SHISA6: variants seen among roughly 807,000 people sequenced by gnomAD.
SHISA6 encodes shisa family member 6.
SHISA6 carries 22 observed loss-of-function variants against 47.9 expected under a neutral mutation model. The ratio of observed to expected loss-of-function variants is 0.46; its 90% confidence interval spans 0.33 to 0.66. SHISA6 has a LOEUF of 0.66. Ranked by LOEUF, SHISA6 falls within the 30% of genes least tolerant of loss-of-function variation. SHISA6 has a pLI of 0.02. For missense variants in SHISA6, 680 were observed against 764.6 expected (o/e 0.89, Z 1.30); for synonymous variants, 388 against 337.8 (o/e 1.15, Z -1.63).
intron 3 of SHISA6, among the ~76,000 whole-genome samples, chr17:11,425,433 G>C (rs1243193222): frequency 6.6e-6 from 1 of 152,046 alleles, no homozygotes; most frequent in African/African-American, 2.4e-5. Flanking sequence ...ATAGTTAATA[G>C]GGTTGGCAGT....
At chr17:11,245,307 A>G (rs1907532818) in intron 1 of SHISA6, among the ~76,000 whole-genome samples, 1 of 152,162 alleles carries the variant, frequency 6.6e-6, no homozygotes, top group Non-Finnish European at 1.5e-5. Flanking sequence ...CCCAATTCCT[A>G]CCAGGATCTC....
intron 3 of SHISA6, among the ~76,000 whole-genome samples, chr17:11,526,070 G>C (rs1026987003): frequency 2.0e-5 from 3 of 150,140 alleles, no homozygotes; most frequent in Non-Finnish European, 4.4e-5. Context: ...GTGAAGGTCA[G>C]TAAAAGCACA....
At chr17:11,416,389 C>T (rs1227437773) in intron 3 of SHISA6, among the ~76,000 whole-genome samples, 10 of 152,144 alleles carry the variant, frequency 6.6e-5, no homozygotes, top group Admixed American at 6.5e-4. Context: ...TCATTGTTGG[C>T]CATACTTACT....
At chr17:11,427,375 C>T (rs551430394) in intron 3 of SHISA6, among the ~76,000 whole-genome samples, 8 of 152,234 alleles carry the variant, frequency 5.3e-5, no homozygotes, top group African/African-American at 1.2e-4. Context: ...CCTTGTGATC[C>T]GCCCATCTTG....
chr17:11,516,561 A>G (rs1462292158), intron 3 of SHISA6, among the ~76,000 whole-genome samples: 1 of 152,222 alleles, frequency 6.6e-6, no homozygotes, highest in Non-Finnish European at 1.5e-5. Flanking sequence ...CCCAATATAT[A>G]GCATGTTCCA....
At chr17:11,430,815 G>T (rs1436177623) in intron 3 of SHISA6, among the ~76,000 whole-genome samples, 1 of 152,160 alleles carries the variant, frequency 6.6e-6, no homozygotes, top group Non-Finnish European at 1.5e-5. Context: ...TTCTTACTTT[G>T]GAACAGCAAA....
At chr17:11,306,071 T>C (rs1724205581) in intron 2 of SHISA6, among the ~76,000 whole-genome samples, 1 of 151,966 alleles carries the variant, frequency 6.6e-6, no homozygotes, top group Non-Finnish European at 1.5e-5. Context: ...CCTGAAAAAA[T>C]AGCTCATTTT....
At chr17:11,250,416 T>G (rs1907755714) in intron 1 of SHISA6, among the ~76,000 whole-genome samples, 1 of 152,182 alleles carries the variant, frequency 6.6e-6, no homozygotes, top group Admixed American at 6.5e-5. Flanking sequence ...CAATTCCTAA[T>G]GTGCATTTAT....
intron 2 of SHISA6, among the ~76,000 whole-genome samples, chr17:11,274,370 G>C (rs1908796664): frequency 6.6e-6 from 1 of 152,208 alleles, no homozygotes; most frequent in Non-Finnish European, 1.5e-5. Flanking sequence ...GTTAGAATTC[G>C]CAATTACCTC....
At chr17:11,440,002 G>A (rs574301166) in intron 3 of SHISA6, among the ~76,000 whole-genome samples, 1 of 152,262 alleles carries the variant, frequency 6.6e-6, no homozygotes, top group African/African-American at 2.4e-5. Context: ...GGAATAGTAG[G>A]GTGCACCCCA....
chr17:11,269,621 T>C (rs1908566543), intron 2 of SHISA6, among the ~76,000 whole-genome samples: 1 of 152,242 alleles, frequency 6.6e-6, no homozygotes, highest in African/African-American at 2.4e-5. Context: ...GGGAAACTTC[T>C]GGTGAGTCTC....
At chr17:11,482,346 G>A (rs558667675) in intron 3 of SHISA6, among the ~76,000 whole-genome samples, 4 of 152,294 alleles carry the variant, frequency 2.6e-5, no homozygotes, top group South Asian at 2.1e-4. Flanking sequence ...CATGTTCTCC[G>A]TAACATAAGT....
intron 2 of SHISA6, among the ~76,000 whole-genome samples, chr17:11,307,138 GTTTTCTTTTTTTTTCTTT>G (rs1339442208): frequency 3.7e-5 from 2 of 53,334 alleles, no homozygotes; most frequent in African/African-American, 9.3e-5. Flanking sequence ...TTGTTTGTTT[GTTTTCTTTTTTTTTCTTT>G]TTTTCTTTTT....
intron 3 of SHISA6, among the ~76,000 whole-genome samples, chr17:11,463,803 C>T (rs1331752695): frequency 6.6e-6 from 1 of 152,140 alleles, no homozygotes; most frequent in Non-Finnish European, 1.5e-5. Flanking sequence ...ACTCACGGAT[C>T]CTAAGTGTGA....
intron 2 of SHISA6, among the ~76,000 whole-genome samples, chr17:11,269,373 C>T (rs1018473916): frequency 1.3e-5 from 2 of 152,262 alleles, no homozygotes; most frequent in East Asian, 3.9e-4. Flanking sequence ...TGTGGCCCCT[C>T]TCCTCCTATC....
Position 11,367,787 on chromosome 17 carries a change from G to T in SHISA6, c.800-11627G>T, listed in dbSNP as rs767788857. 8.5e-5 allele frequency among the ~76,000 whole-genome samples: 13 copies of T among 152,146 alleles called. 1 individual carries two copies. The highest frequency in any genetic ancestry group is 2.1e-4 in the South Asian group (1 of 4,832). ...ACAACTGGATAAGGAGGCAAGGAAG[G>T]CTCAGGGTATAACAGTCTGCAAATG... On this transcript the variant is annotated intron_variant, in intron 2 of 5. Coordinates refer to ENST00000441885, the MANE Select transcript of SHISA6 (RefSeq NM_207386.4).
chr17:11,446,563 G>A (rs1482540372), intron 3 of SHISA6, among the ~76,000 whole-genome samples: 2 of 152,218 alleles, frequency 1.3e-5, no homozygotes, highest in Non-Finnish European at 2.9e-5. Context: ...AATACTCTTA[G>A]ACAAATATTG....
At chr17:11,400,874 C>T (rs1324820163) in intron 3 of SHISA6, among the ~76,000 whole-genome samples, 2 of 152,212 alleles carry the variant, frequency 1.3e-5, no homozygotes, top group African/African-American at 2.4e-5. Context: ...ACATACTACT[C>T]ATACTTTATG....
intron 2 of SHISA6, among the ~76,000 whole-genome samples, chr17:11,355,306 G>C (rs1207130409): frequency 1.3e-5 from 2 of 152,206 alleles, no homozygotes; most frequent in Admixed American, 6.5e-5. Context: ...TCCCCTCGTG[G>C]TATCACATGC....
Sources: allele counts gnomAD v4.1 joint callset (sites outside exome capture counted in the v4.1 genomes callset), GRCh38; gene constraint gnomAD v4.1.1; transcripts MANE v1.5; gene names NCBI Gene and HGNC (gene_info 2026-07-23, HGNC 2026-07-21).